The following RANBP17 variants were observed in gnomAD, a reference collection of about 807,000 sequenced individuals.
The protein encoded by RANBP17 is ran-binding protein 17.
A neutral mutation model predicts 141.2 loss-of-function variants in RANBP17; 158 were observed. That is an observed-to-expected ratio of 1.12 (90% confidence interval 0.98 to 1.28). The LOEUF (loss-of-function observed/expected upper bound fraction) is 1.28, where lower values mean the gene tolerates loss of function less well. RANBP17 is among the 50% of genes most tolerant of loss of function. RANBP17 has a pLI of 0.00. For missense variants in RANBP17, 1,438 were observed against 1,290.7 expected, an observed-to-expected ratio of 1.11 and a Z score of -1.75; for synonymous variants, 430 against 450.0, an observed-to-expected ratio of 0.96 and a Z score of 0.56.
chr5:170,918,693 C>CT lies in RANBP17; in HGVS notation c.955-15dup, dbSNP rs768048794. 6.3e-7 allele frequency: 1 copy of CT among 1,576,372 alleles called. No homozygotes were observed. The highest frequency in any genetic ancestry group is 1.2e-5 in the South Asian group (1 of 84,574). ...TAGGTTGGCTTGTTTTTAAGCCTTT[C>CT]TTTTTGTCTCATAATTTAGGGTTTG... On this transcript the variant is annotated intron_variant, in intron 9 of 27. Transcript: ENST00000523189.
At chr5:171,001,225 G>T (rs1178357245) in intron 14 of RANBP17, among the ~76,000 whole-genome samples, 1 of 152,042 alleles carries the variant, frequency 6.6e-6, no homozygotes, top group Non-Finnish European at 1.5e-5. Flanking sequence ...TGGGGTAAGG[G>T]GTGATATTGT....
intron 14 of RANBP17, among the ~76,000 whole-genome samples, chr5:171,021,536 G>A (rs1395033019): frequency 6.6e-6 from 1 of 152,048 alleles, no homozygotes; most frequent in Non-Finnish European, 1.5e-5. Context: ...TTCAATCTCT[G>A]ATATCTTTTC....
chr5:171,286,164 C>T (rs1028225462), intron 25 of RANBP17, among the ~76,000 whole-genome samples: 8 of 152,128 alleles, frequency 5.3e-5, no homozygotes, highest in Non-Finnish European at 1.0e-4. Flanking sequence ...GAGGGGATGG[C>T]AGAGTGGGGG....
intron 14 of RANBP17, among the ~76,000 whole-genome samples, chr5:171,011,757 C>T (rs1780051697): frequency 1.3e-5 from 2 of 151,786 alleles, no homozygotes; most frequent in Non-Finnish European, 2.9e-5. Flanking sequence ...TGATTACACT[C>T]AAATGTTGTA....
chr5:171,201,853 A>G (rs1762316116), intron 19 of RANBP17, among the ~76,000 whole-genome samples: 1 of 152,266 alleles, frequency 6.6e-6, no homozygotes, highest in African/African-American at 2.4e-5. Context: ...TAATACATGC[A>G]AAAGTGCTTT....
chr5:170,929,158 A>G (rs543282520), intron 12 of RANBP17, among the ~76,000 whole-genome samples: 5 of 152,034 alleles, frequency 3.3e-5, no homozygotes, highest in Non-Finnish European at 5.9e-5. Flanking sequence ...AGGATTGTCT[A>G]TGTGATCATG....
At chr5:170,973,648 A>AGGG (rs34624385) in intron 14 of RANBP17, among the ~76,000 whole-genome samples, 92,634 of 151,628 alleles carry the variant, frequency 0.61, 29,641 homozygotes, top group South Asian at 0.88. Context: ...CACTTCACAG[A>AGGG]AGAAGAAATC....
chr5:171,247,552 C>T (rs942760172), intron 24 of RANBP17, among the ~76,000 whole-genome samples: 8 of 152,124 alleles, frequency 5.3e-5, no homozygotes, highest in Non-Finnish European at 1.2e-4. Flanking sequence ...GCCGAATATT[C>T]CAAAAATGAT....
intron 14 of RANBP17, among the ~76,000 whole-genome samples, chr5:171,120,094 A>T (rs1234564078): frequency 6.6e-6 from 1 of 151,374 alleles, no homozygotes; most frequent in Non-Finnish European, 1.5e-5. Flanking sequence ...CTTGGATAAG[A>T]TCCCAAAGAA....
At chr5:171,003,563 T>C (rs1194481097) in intron 14 of RANBP17, among the ~76,000 whole-genome samples, 1 of 152,122 alleles carries the variant, frequency 6.6e-6, no homozygotes, top group Non-Finnish European at 1.5e-5. Context: ...ATTTGAGCTT[T>C]GGAGGGGGAT....
At chr5:171,280,547 T>G (rs1309176532) in intron 25 of RANBP17, among the ~76,000 whole-genome samples, 1 of 152,204 alleles carries the variant, frequency 6.6e-6, no homozygotes, top group Non-Finnish European at 1.5e-5. Context: ...GTGCTGAAAT[T>G]ACAGGTGTGC....
At chr5:170,940,582 T>A (rs1774245787) in intron 12 of RANBP17, among the ~76,000 whole-genome samples, 1 of 152,112 alleles carries the variant, frequency 6.6e-6, no homozygotes, top group Admixed American at 6.5e-5. Flanking sequence ...CTTAGTGAAG[T>A]AGTATCAAAA....
intron 12 of RANBP17, among the ~76,000 whole-genome samples, chr5:170,934,337 A>T (rs544547145): frequency 6.6e-6 from 1 of 152,158 alleles, no homozygotes; most frequent in Non-Finnish European, 1.5e-5. Context: ...TCCTGAATAC[A>T]GCACACTGAT....
chr5:170,960,864 A>T (rs1776090884), intron 13 of RANBP17, among the ~76,000 whole-genome samples: 1 of 152,168 alleles, frequency 6.6e-6, no homozygotes, highest in African/African-American at 2.4e-5. Context: ...GTTGAACATT[A>T]TACAGCTGAG....
At chr5:171,280,617 T>G (rs1767796391) in intron 25 of RANBP17, among the ~76,000 whole-genome samples, 1 of 152,232 alleles carries the variant, frequency 6.6e-6, no homozygotes, top group Non-Finnish European at 1.5e-5. Flanking sequence ...CTGATGGAGC[T>G]GTGAGTTTAT....
chr5:171,076,332 T>C (rs958044986), intron 14 of RANBP17, among the ~76,000 whole-genome samples: 1 of 152,226 alleles, frequency 6.6e-6, no homozygotes, highest in Non-Finnish European at 1.5e-5. Flanking sequence ...ATGAAAGATA[T>C]CTGAGTTTCA....
At chr5:171,121,970 A>C (rs950200851) in intron 14 of RANBP17, among the ~76,000 whole-genome samples, 1 of 152,180 alleles carries the variant, frequency 6.6e-6, no homozygotes, top group Admixed American at 6.5e-5. Flanking sequence ...ATTTCCAGCA[A>C]TACTTTAAAC....
At chr5:170,916,669 T>G in intron 9 of RANBP17, 85 bp downstream of exon 9, 1 of 922,486 alleles carries the variant, frequency 1.1e-6, no homozygotes, top group East Asian at 2.8e-5. Context: ...ATGAATTTAT[T>G]ATGATTCTGG....
At chr5:171,148,169 G>A (rs1758200428) in intron 14 of RANBP17, among the ~76,000 whole-genome samples, 1 of 152,054 alleles carries the variant, frequency 6.6e-6, no homozygotes, top group South Asian at 2.1e-4. Flanking sequence ...GATGTGCTTT[G>A]TTAAACAGAT....
Sources: allele counts gnomAD v4.1 joint callset (sites outside exome capture counted in the v4.1 genomes callset), GRCh38; gene constraint gnomAD v4.1.1; transcripts MANE v1.5; gene names NCBI Gene and HGNC (gene_info 2026-07-23, HGNC 2026-07-21).